SECISBP2: variants seen among roughly 807,000 people sequenced by gnomAD.
The protein encoded by SECISBP2 is selenocysteine insertion sequence-binding protein 2.
SECISBP2 carries 96 observed loss-of-function variants against 98.2 expected under a neutral mutation model. The ratio of observed to expected loss-of-function variants is 0.98; its 90% CI spans 0.83 to 1.16. The LOEUF (loss-of-function observed/expected upper bound fraction) is 1.16. Ranked by LOEUF, SECISBP2 falls within the 50% of genes most tolerant of loss-of-function variation. The probability of loss-of-function intolerance (pLI) is 0.00; values close to 1 mark genes in which losing one functional copy is unlikely to be tolerated. For missense variants in SECISBP2, 1,046 were observed against 1,022.9 expected (o/e 1.02, Z -0.31); for synonymous variants, 407 against 370.2 (o/e 1.10, Z -1.14).
intron 4 of SECISBP2, 109 bp downstream of exon 4, chr9:89,326,147 C>A: frequency 1.5e-6 from 2 of 1,350,796 alleles, no homozygotes; most frequent in Non-Finnish European, 2.1e-6. Flanking sequence ...GTGACTACTC[C>A]AAGAAATGAG....
downstream of SECISBP2, chr9:89,362,199 G>C: frequency 1.3e-6 from 1 of 777,566 alleles, no homozygotes; most frequent in South Asian, 1.7e-5. Context: ...CTTAGTTCCT[G>C]TCACAGGCCC....
At chr9:89,358,416 G>T (rs2132103362) in intron 16 of SECISBP2, among the ~76,000 whole-genome samples, 1 of 152,160 alleles carries the variant, frequency 6.6e-6, no homozygotes, top group South Asian at 2.1e-4. Flanking sequence ...GACAATGGGT[G>T]GCCTTAAGGA....
intron 2 of SECISBP2, chr9:89,322,888 G>A (rs1826046537): frequency 6.6e-6 from 1 of 152,176 alleles, no homozygotes; most frequent in Non-Finnish European, 1.5e-5. Flanking sequence ...TTTTAGGTTT[G>A]CTGGGTAGGC....
intron 12 of SECISBP2, among the ~76,000 whole-genome samples, chr9:89,349,209 T>TA (rs1444220385): frequency 2.0e-5 from 3 of 152,252 alleles, no homozygotes; most frequent in African/African-American, 7.2e-5. Flanking sequence ...GGTGATCTGT[T>TA]ACTGCAATTG....
At chr9:89,346,620 A>G (rs886509218) in intron 10 of SECISBP2, among the ~76,000 whole-genome samples, 6 of 133,494 alleles carry the variant, frequency 4.5e-5, no homozygotes, top group African/African-American at 1.5e-4. Flanking sequence ...TTACATGGAT[A>G]GGAAGGTAGG....
downstream of SECISBP2, chr9:89,363,331 G>T (rs538972318): frequency 3.6e-5 from 55 of 1,533,718 alleles, no homozygotes; most frequent in South Asian, 5.8e-4. Context: ...AACAAGTGGG[G>T]TCCATGCTGA....
rs1246465832 is a variant in SECISBP2 at position 89,358,788 on chromosome 9, G to A, written c.2529G>A (p.Glu843=). 1 of 1,613,566 alleles carries A rather than the reference G, an allele frequency of 6.2e-7. No homozygotes were observed. The highest frequency in any genetic ancestry group is 1.3e-5 in the African/African-American group (1 of 75,038). The part of the protein sequence containing the change: ...GCTLELEESL[E]ASTSQMMNLN... ...CCCTGGAGCTAGAAGAATCCTTGGA[G>A]GCTTCAACCTCTCAAATGATGAATT... Residue 843 remains glutamate, a synonymous_variant, in exon 17 of 17, where the codon GAG becomes GAA. Transcript: ENST00000375807.
downstream of SECISBP2, chr9:89,361,297 G>A (rs1226356925): frequency 6.6e-6 from 1 of 152,232 alleles, no homozygotes; most frequent in Admixed American, 6.5e-5. Context: ...CACAAAGGCT[G>A]GTAGAGAATT....
At chr9:89,357,715 T>C (rs1396896686) in intron 15 of SECISBP2, 150 bp downstream of exon 15, 14 of 990,616 alleles carry the variant, frequency 1.4e-5, no homozygotes, top group South Asian at 1.1e-4. Flanking sequence ...AACCTTCTTA[T>C]AAAAAAGTAG....
At chr9:89,363,721 T>A, downstream of SECISBP2, 1 of 1,608,040 alleles carries the variant, frequency 6.2e-7, no homozygotes, top group Non-Finnish European at 8.5e-7. Flanking sequence ...AGGGTAACAG[T>A]GGGCATGGGA....
In SECISBP2 at chr9:89,351,466, A is replaced by G. The variant is rs184358405; in HGVS notation, c.2113+614A>G. Reference sequence around the variant, plus strand: ...CTGTGTTGTGTCCTCGAATTGAGCAATAGGAGAACTGATAAGAGCAGAGTG... The same window carrying G: ...CTGTGTTGTGTCCTCGAATTGAGCAGTAGGAGAACTGATAAGAGCAGAGTG... On this transcript the variant is annotated intron_variant, in intron 14 of 16. Transcript: ENST00000375807. Among the ~76,000 whole-genome samples, 200 of 152,218 alleles carry G rather than the reference A, an allele frequency of 1.3e-3. 1 individual carries two copies. Among genetic ancestry groups the G allele is most frequent in the African/African-American group, 4.7e-3 (194 of 41,536 alleles).
intron 2 of SECISBP2, among the ~76,000 whole-genome samples, 193 bp downstream of exon 2, chr9:89,319,990 C>CA (rs1398693561): frequency 6.6e-6 from 1 of 152,038 alleles, no homozygotes; most frequent in Non-Finnish European, 1.5e-5. Flanking sequence ...TTTAACTCCC[C>CA]TTTTTTTTCT....
At chr9:89,334,442 A>T in intron 6 of SECISBP2, 80 bp from the exon 7 acceptor site, 1 of 1,138,618 alleles carries the variant, frequency 8.8e-7, no homozygotes, top group Non-Finnish European at 1.3e-6. Context: ...CAGTTACCTC[A>T]TGTAATGCAT....
In SECISBP2 at chr9:89,325,895, A is replaced by G. The variant is rs1001161650; in HGVS notation, c.433-2A>G. On this transcript the variant is annotated splice_acceptor_variant, in intron 3 of 16. Transcript: ENST00000375807. LOFTEE classifies it high-confidence loss of function. ...CATGTTGCTTTTTAATCTTTCCTGC[A>G]GAAGAAAACCTATGATGAGAAAAAA... is the stretch of plus-strand genomic sequence containing the variant. The G allele has an allele frequency of 1.2e-6, 2 of 1,613,912 alleles. No individual in the cohort carries two copies. The highest frequency in any genetic ancestry group is 1.7e-6 in the Non-Finnish European group (2 of 1,179,996).
chr9:89,319,782 AAC>A lies in SECISBP2; in HGVS notation c.168_169del (p.Glu56AspfsTer11). On this transcript the variant is annotated frameshift_variant, in exon 2 of 17. Transcript: ENST00000375807. LOFTEE classifies it high-confidence loss of function. Reference sequence around the variant, plus strand: ...GCCACATACTATCCGTTTGTTCAGGAACCACCAGTGACAGAGTATGTATCTTT... The same window carrying A: ...GCCACATACTATCCGTTTGTTCAGGACACCAGTGACAGAGTATGTATCTTT... The A allele has an allele frequency of 1.2e-6, 2 of 1,614,108 alleles. No homozygotes were observed. The highest frequency in any genetic ancestry group is 2.7e-5 in the African/African-American group (2 of 75,052).
intron 12 of SECISBP2, 38 bp downstream of exon 12, chr9:89,348,252 C>T (rs373227582): frequency 1.4e-5 from 23 of 1,612,014 alleles, no homozygotes; most frequent in African/African-American, 6.7e-5. Context: ...ATAATTTAAA[C>T]GAGAGCAACT....
At chr9:89,339,990 T>A in intron 9 of SECISBP2, 37 bp downstream of exon 9, 1 of 1,416,462 alleles carries the variant, frequency 7.1e-7, no homozygotes, top group Non-Finnish European at 1.0e-6. Context: ...TGCTTTAGGC[T>A]TAACTCTTCT....
In SECISBP2 at chr9:89,331,598, A is replaced by G. The variant is rs1827766564; in HGVS notation, c.802-1310A>G. Among the ~76,000 whole-genome samples, 2 of 152,214 alleles carry G rather than the reference A, an allele frequency of 1.3e-5. 1 individual carries two copies. Among genetic ancestry groups the G allele is most frequent in the South Asian group, 4.1e-4 (2 of 4,832 alleles). The stretch of plus-strand genomic sequence containing the variant: ...TCGACCCCCCCATACACATAGCGTC[A>G]TTATATGTCTTATGTTTAATATGTG... On this transcript the variant is annotated intron_variant, in intron 5 of 16. Coordinates refer to ENST00000375807, the MANE Select transcript of SECISBP2 (RefSeq NM_024077.5).
chr9:89,348,872 A>T (rs1303799506), intron 12 of SECISBP2, among the ~76,000 whole-genome samples: 3 of 152,220 alleles, frequency 2.0e-5, no homozygotes, highest in Non-Finnish European at 2.9e-5. Context: ...TATTTTCATT[A>T]CTGTGTAAAA....
Sources: allele counts gnomAD v4.1 joint callset (sites outside exome capture counted in the v4.1 genomes callset), GRCh38; gene constraint gnomAD v4.1.1; transcripts MANE v1.5; gene names NCBI Gene and HGNC (gene_info 2026-07-23, HGNC 2026-07-21).